The following ZNF839 variants were observed in gnomAD, a reference collection of about 807,000 sequenced individuals.
ZNF839 encodes renal carcinoma antigen NY-REN-50.
ZNF839 carries 38 observed loss-of-function variants against 56.4 expected under a neutral mutation model. That is an observed-to-expected ratio of 0.67 (90% confidence interval 0.52 to 0.88). The LOEUF (loss-of-function observed/expected upper bound fraction) is 0.88. ZNF839 is among the 40% of genes least tolerant of loss of function. The pLI is 0.00. For missense variants in ZNF839, 1,091 were observed against 1,177.6 expected (o/e 0.93, Z 1.08); for synonymous variants, 486 against 493.5 (o/e 0.98, Z 0.20).
chr14:102,334,232 C>T (rs2073917730), intron 3 of ZNF839, among the ~76,000 whole-genome samples: 1 of 152,232 alleles, frequency 6.6e-6, no homozygotes, highest in African/African-American at 2.4e-5. Flanking sequence ...TCCAGCTGTG[C>T]CACCCCCTCA....
At position 102,335,678 on chromosome 14, in the gene ZNF839, T is replaced by C. The variant is rs2073983453; in HGVS notation, c.1510-11T>C. 6.3e-7 allele frequency: 1 copy of C among 1,581,810 alleles called. No individual in the cohort carries two copies. Among genetic ancestry groups the C allele is most frequent in the African/African-American group, 1.4e-5 (1 of 74,022 alleles). On this transcript the variant is annotated splice_polypyrimidine_tract_variant and intron_variant, in intron 4 of 7. Transcript: ENST00000442396. ...GTTTAAACTTTTTTTTTGGTCTTTATCTTCACGAAGGTTGAAAAAGATCAT... is the reference window on the plus strand; with the variant it reads ...GTTTAAACTTTTTTTTTGGTCTTTACCTTCACGAAGGTTGAAAAAGATCAT...
chr14:102,318,784 C>G (rs1434158824), upstream of ZNF839, among the ~76,000 whole-genome samples: 1 of 152,202 alleles, frequency 6.6e-6, no homozygotes, highest in Non-Finnish European at 1.5e-5. Context: ...AGGCCGCCAG[C>G]CTTACTTTAC....
chr14:102,332,043 C>T lies in ZNF839; in HGVS notation c.1416+197C>T, dbSNP rs2073811225. Among the ~76,000 whole-genome samples, 1 of 152,160 alleles carries T rather than the reference C, an allele frequency of 6.6e-6. No individual in the cohort carries two copies. The highest frequency in any genetic ancestry group is 2.1e-4 in the South Asian group (1 of 4,832). On this transcript the variant is annotated intron_variant, in intron 3 of 7. Coordinates refer to ENST00000442396, the MANE Select transcript of ZNF839 (RefSeq NM_018335.6). The surrounding 1 kb of genome is among the most constrained non-coding windows in gnomAD (Gnocchi z 4.9). ...AGTGACTGTACAGCCTTTGGTGCAG[C>T]TCCAAAAGCTGCTTGACTTGATAAG...
At position 102,319,868 on chromosome 14, in the gene ZNF839, C is replaced by G; in HGVS notation, c.103C>G (p.Pro35Ala). The G allele has an allele frequency of 7.8e-7, 1 of 1,278,644 alleles. No homozygotes were observed. Among genetic ancestry groups the G allele is most frequent in the South Asian group, 2.6e-5 (1 of 38,602 alleles). The allele number at this position is 1,278,644 out of a possible 1,614,324, so 79.2% of individuals were successfully genotyped here. ...GAGCGGCAGCGTCGCACGTGTGGCCCCGCTGGGCCCCGAGCAGCTGCGGCA... is the reference window on the plus strand; with the variant it reads ...GAGCGGCAGCGTCGCACGTGTGGCCGCGCTGGGCCCCGAGCAGCTGCGGCA... ...GQSGSVARVA[P>A]LGPEQLRQVL... The change falls in exon 1 of 8, where the codon CCG becomes GCG. Residue 35 changes from proline to alanine, a missense_variant. Coordinates refer to ENST00000442396, the MANE Select transcript of ZNF839 (RefSeq NM_018335.6). This position sits in a 1 kb window ranked among gnomAD's most constrained non-coding sequence, Gnocchi z 4.5.
chr14:102,342,291 GGCAA>G lies in ZNF839; in HGVS notation c.*117_*120del, dbSNP rs1379644602. The G allele has an allele frequency of 6.7e-6, 9 of 1,340,210 alleles. No individual in the cohort carries two copies. The highest frequency in any genetic ancestry group is 9.2e-6 in the Non-Finnish European group (9 of 983,232). The allele number at this position is 1,340,210 out of a possible 1,614,324, so 83.0% of individuals were successfully genotyped here. On this transcript the variant is annotated 3_prime_UTR_variant, in exon 8 of 8. Transcript: ENST00000442396. ...CTGATTTTATCCAGAGAAGGTCTAT[GGCAA>G]GCAATGTATATTTTTCTAATGTGAA... is the stretch of plus-strand genomic sequence containing the variant.
chr14:102,329,847 G>A (rs2139520245), intron 2 of ZNF839, among the ~76,000 whole-genome samples: 1 of 137,414 alleles, frequency 7.3e-6, no homozygotes, highest in Non-Finnish European at 1.5e-5. Context: ...AGGCTGGAGT[G>A]TAATGGCGTA....
intron 1 of ZNF839, among the ~76,000 whole-genome samples, chr14:102,325,150 A>T (rs1007954178): frequency 2.0e-5 from 3 of 151,902 alleles, no homozygotes; most frequent in African/African-American, 7.3e-5. Context: ...GACGTCAGGA[A>T]TTTGAGACCA....
chr14:102,319,620 C>G, upstream of ZNF839: 6 of 1,141,682 alleles, frequency 5.3e-6, no homozygotes, highest in South Asian at 2.3e-4. The surrounding 1 kb of genome is among the most constrained non-coding windows in gnomAD (Gnocchi z 4.5). Flanking sequence ...TGGGGCGGGG[C>G]ACTCCACGAC....
chr14:102,322,142 C>T (rs924918965), intron 1 of ZNF839, among the ~76,000 whole-genome samples: 5 of 152,194 alleles, frequency 3.3e-5, no homozygotes, highest in African/African-American at 9.7e-5. Flanking sequence ...CTGGGCAGCC[C>T]ACCACCTCTG....
chr14:102,318,656 A>G (rs73347446), upstream of ZNF839, among the ~76,000 whole-genome samples: 3,858 of 152,114 alleles, frequency 0.025, 155 homozygotes, highest in African/African-American at 0.089. Context: ...AATTGTGGTA[A>G]GATACCCATA....
chr14:102,336,615 A>G, intron 5 of ZNF839: 1 of 429,252 alleles, frequency 2.3e-6, no homozygotes, highest in Non-Finnish European at 4.6e-6. Context: ...TTTTTCTTAA[A>G]GCAATAAATG....
chr14:102,326,926 C>A lies in ZNF839; in HGVS notation c.1191+39C>A. On this transcript the variant is annotated intron_variant, in intron 2 of 7. Transcript: ENST00000442396. The surrounding 1 kb of genome is among the most constrained non-coding windows in gnomAD (Gnocchi z 4.3). ...CTGGGTATGTGTCTTTTTATTTGGCCGTTCTCGGATTGCTATAAAGAAATA... is the reference window on the plus strand; with the variant it reads ...CTGGGTATGTGTCTTTTTATTTGGCAGTTCTCGGATTGCTATAAAGAAATA... 1.3e-6 allele frequency: 2 copies of A among 1,522,148 alleles called. No individual in the cohort carries two copies. Among genetic ancestry groups the A allele is most frequent in the South Asian group, 1.3e-5 (1 of 79,274 alleles). 94.3% of individuals were successfully genotyped at this position (1,522,148 alleles called of 1,614,324 possible). A position where few individuals can be genotyped will look rare whatever the true frequency, so the allele number is the denominator to read the frequency against.
At position 102,342,148 on chromosome 14, in the gene ZNF839, C is replaced by T. The variant is rs748268959; in HGVS notation, c.2753C>T (p.Ala918Val). The stretch of plus-strand genomic sequence containing the variant: ...GAGGACATTGTCACAGTGACTGATG[C>T]AGAGGGGCGTGCCTGCGGATGGGCC... Reference protein sequence around the residue: ...QEEDIVTVTDAEGRACGWAR With the variant: ...QEEDIVTVTDVEGRACGWAR The change falls in exon 8 of 8, where the codon GCA (alanine) becomes GTA (valine). Residue 918 changes from alanine (A) to valine (V), a missense_variant. By Grantham distance (64) the Ala-to-Val change is moderately conservative. Transcript: ENST00000442396. 2.5e-6 allele frequency: 4 copies of T among 1,611,792 alleles called. No individual in the cohort carries two copies. Among genetic ancestry groups the T allele is most frequent in the Non-Finnish European group, 3.4e-6 (4 of 1,178,372 alleles).
chr14:102,319,541 A>T, upstream of ZNF839: 1 of 441,522 alleles, frequency 2.3e-6, no homozygotes, highest in Non-Finnish European at 3.6e-6. This position sits in a 1 kb window ranked among gnomAD's most constrained non-coding sequence, Gnocchi z 4.5. Flanking sequence ...CACATCCGTG[A>T]CAGGCAATAA....
Position 102,342,207 on chromosome 14 carries a change from C to A in ZNF839, c.*28C>A. 1.3e-6 allele frequency: 2 copies of A among 1,555,878 alleles called. No individual in the cohort carries two copies. Among genetic ancestry groups the A allele is most frequent in the South Asian group, 2.3e-5 (2 of 85,518 alleles). On this transcript the variant is annotated 3_prime_UTR_variant, in exon 8 of 8. Coordinates refer to ENST00000442396, the MANE Select transcript of ZNF839 (RefSeq NM_018335.6). The stretch of plus-strand genomic sequence containing the variant: ...GGAGTTCCTCTAGAAGCTGTGGAGT[C>A]GGTCGTCACCGTGGAGCCAGAGCCC...
chr14:102,338,055 G>A (rs1436039367), intron 5 of ZNF839, among the ~76,000 whole-genome samples: 3 of 152,320 alleles, frequency 2.0e-5, no homozygotes, highest in Admixed American at 1.3e-4. Context: ...TCCAGCTCAG[G>A]CCCCCAAGCC....
rs2073516784 is a variant in ZNF839, at chr14:102,328,095, C to T, written c.1191+1208C>T. ...TTGAGCCGGGTGCAGTGGCTCACACCTGTAATCCCAGCACTTTGGGAGGCC... is the reference window on the plus strand; with the variant it reads ...TTGAGCCGGGTGCAGTGGCTCACACTTGTAATCCCAGCACTTTGGGAGGCC... On this transcript the variant is annotated intron_variant, in intron 2 of 7. Coordinates refer to ENST00000442396, the MANE Select transcript of ZNF839 (RefSeq NM_018335.6). Among the ~76,000 whole-genome samples, 3 of 151,860 alleles carry T rather than the reference C, an allele frequency of 2.0e-5. No homozygotes were observed. In the South Asian group the frequency reaches 6.2e-4, roughly 32 times the overall value.
chr14:102,331,744 C>A lies in ZNF839; in HGVS notation c.1314C>A (p.Ser438=), dbSNP rs1444636894. The A allele has an allele frequency of 3.7e-6, 6 of 1,604,598 alleles. No homozygotes were observed. The highest frequency in any genetic ancestry group is 3.4e-5 in the Admixed American group (2 of 58,310). Residue 438 remains serine (S), a synonymous_variant, in exon 3 of 8, where the codon TCC becomes TCA. Transcript: ENST00000442396. The stretch of plus-strand genomic sequence containing the variant: ...CATGCTCAGAGACCCTTGCAGAGTC[C>A]CGCACAGCTGTCCTCCAGCAGAGAA... The part of the protein sequence containing the change: ...RRACSETLAE[S]RTAVLQQRRA...
At chr14:102,335,660 C>CT (rs371148753) in intron 4 of ZNF839, 29 bp from the exon 5 acceptor site, 82 of 1,543,842 alleles carry the variant, frequency 5.3e-5, no homozygotes, top group Admixed American at 2.2e-4. Context: ...TGAGTTTAAA[C>CT]TTTTTTTTTG....
Sources: gnomAD v4.1 joint callset for allele counts (sites outside exome capture counted in the v4.1 genomes callset) on GRCh38, gnomAD v4.1.1 for gene constraint, Gnocchi (gnomAD v3.1) non-coding constraint, MANE v1.5 for transcripts, NCBI Gene and HGNC (gene_info 2026-07-23, HGNC 2026-07-21) for gene names.